The following NKX3-2 variants were observed in gnomAD, a reference collection of about 807,000 sequenced individuals.
NKX3-2 encodes NK3 homeobox 2, also known as homeobox protein Nkx-3.2.
NKX3-2 carries 13 observed loss-of-function variants against 19.4 expected under a neutral mutation model. The ratio of observed to expected loss-of-function variants is 0.67; its 90% CI spans 0.44 to 1.07. The LOEUF (loss-of-function observed/expected upper bound fraction) is 1.07, where lower values mean the gene tolerates loss of function less well. Among genes scored for constraint, NKX3-2 ranks in the 50% least tolerant of loss-of-function variants. The pLI is 0.00. For missense variants in NKX3-2, 562 were observed against 488.2 expected (o/e 1.15, Z -1.42); for synonymous variants, 269 against 230.5 (o/e 1.17, Z -1.51).
chr4:13,544,921 G>T (rs990181845), upstream of NKX3-2: 1 of 152,324 alleles, frequency 6.6e-6, no homozygotes, highest in Middle Eastern at 3.4e-3. Context: ...CCCCGGCGGC[G>T]GCGGCGGTAG....
rs1042773589 is a variant in NKX3-2, at chr4:13,540,958, G to C, written c.*1035C>G. On this transcript the variant is annotated 3_prime_UTR_variant, in exon 2 of 2. Coordinates refer to ENST00000382438, the MANE Select transcript of NKX3-2 (RefSeq NM_001189.4). ...TGCCATTAAGGAGGCGAAAAGCGGC[G>C]AGGTTGACAAGACAGGTGGGATCAC... The C allele has an allele frequency of 5.5e-4, 84 of 152,218 alleles. No individual in the cohort carries two copies. The highest frequency in any genetic ancestry group is 2.0e-3 in the African/African-American group (83 of 41,452). The allele number at this position is 152,218 out of a possible 1,614,324, so 9.4% of individuals were successfully genotyped here. A position where few individuals can be genotyped will look rare whatever the true frequency, so the allele number is the denominator to read the frequency against.
upstream of NKX3-2, chr4:13,546,670 C>G (rs930745277): frequency 2.6e-5 from 9 of 351,178 alleles, no homozygotes; most frequent in Admixed American, 2.3e-4. Context: ...GGAGTGAGAT[C>G]CGAACATAAA....
At position 13,543,794 on chromosome 4, in the gene NKX3-2, T is replaced by C. The variant is rs1253124745; in HGVS notation, c.466+155A>G. ...CTCGCGGGCTCAGTTCCCGAAGTGA[T>C]AGAGCAGCTCGCGCCAGAGCGCAGA... On this transcript the variant is annotated intron_variant, in intron 1 of 1. Transcript: ENST00000382438. This position sits in a 1 kb window ranked among gnomAD's most constrained non-coding sequence, Gnocchi z 7.1. 6.6e-6 allele frequency among the ~76,000 whole-genome samples: 1 copy of C among 152,192 alleles called. No individual in the cohort carries two copies. Among genetic ancestry groups the C allele is most frequent in the Non-Finnish European group, 1.5e-5 (1 of 68,028 alleles).
rs1430305611 is a variant in NKX3-2 at position 13,541,425 on chromosome 4, G to C, written c.*568C>G. On this transcript the variant is annotated 3_prime_UTR_variant, in exon 2 of 2. Transcript: ENST00000382438. Reference sequence around the variant, plus strand: ...ACACACAGGAGGGGTGGAGCAGAGGGCCTGAAAACCCAATCCTTCACGTTT... The same window carrying C: ...ACACACAGGAGGGGTGGAGCAGAGGCCCTGAAAACCCAATCCTTCACGTTT... 2 of 152,294 alleles carry C rather than the reference G, an allele frequency of 1.3e-5. No homozygotes were observed. The highest frequency in any genetic ancestry group is 2.9e-5 in the Non-Finnish European group (2 of 68,124). The allele number at this position is 152,294 out of a possible 1,614,324, so 9.4% of individuals were successfully genotyped here.
At chr4:13,547,379 C>G (rs1039170471), upstream of NKX3-2, 1 of 369,422 alleles carries the variant, frequency 2.7e-6, no homozygotes, top group African/African-American at 2.1e-5. Flanking sequence ...TCCCGACGGG[C>G]GCCACGCTCC....
At chr4:13,546,724 T>G, upstream of NKX3-2, 1 of 354,328 alleles carries the variant, frequency 2.8e-6, no homozygotes, top group Non-Finnish European at 5.6e-6. Context: ...AATACTAGAG[T>G]AGGTTTGGGG....
rs1472333657 is a variant in NKX3-2 at position 13,540,856 on chromosome 4, T to G, written c.*1137A>C. Reference sequence around the variant, plus strand: ...CATGTTAAACTAAAAGTTTATAAATTAAAGAAAAAATACAGCGAATAGAGC... The same window carrying G: ...CATGTTAAACTAAAAGTTTATAAATGAAAGAAAAAATACAGCGAATAGAGC... On this transcript the variant is annotated 3_prime_UTR_variant, in exon 2 of 2. Transcript: ENST00000382438. The G allele has an allele frequency of 6.6e-6, 1 of 152,150 alleles. No individual in the cohort carries two copies. Among genetic ancestry groups the G allele is most frequent in the Admixed American group, 6.5e-5 (1 of 15,272 alleles). 9.4% of individuals were successfully genotyped at this position (152,150 alleles called of 1,614,324 possible).
At chr4:13,546,253 T>C (rs552424712), upstream of NKX3-2, 2 of 152,736 alleles carry the variant, frequency 1.3e-5, no homozygotes, top group East Asian at 3.9e-4. Flanking sequence ...TTTTGCAGCA[T>C]CTATACTTTT....
Position 13,541,003 on chromosome 4 carries a change from G to T in NKX3-2, c.*990C>A, listed in dbSNP as rs1051840410. ...GATCACCTGTTTAAGGGTAAGTGAGGGGCGGATAGGGGAGTCCCGGGCCAG... is the reference window on the plus strand; with the variant it reads ...GATCACCTGTTTAAGGGTAAGTGAGTGGCGGATAGGGGAGTCCCGGGCCAG... On this transcript the variant is annotated 3_prime_UTR_variant, in exon 2 of 2. Coordinates refer to ENST00000382438, the MANE Select transcript of NKX3-2 (RefSeq NM_001189.4). The T allele has an allele frequency of 6.6e-6, 1 of 152,310 alleles. No homozygotes were observed. Among genetic ancestry groups the T allele is most frequent in the African/African-American group, 2.4e-5 (1 of 41,456 alleles). 9.4% of individuals were successfully genotyped at this position (152,310 alleles called of 1,614,324 possible).
Position 13,543,871 on chromosome 4 carries a change from G to C in NKX3-2, c.466+78C>G. 7.6e-7 allele frequency: 1 copy of C among 1,318,330 alleles called. No homozygotes were observed. Among genetic ancestry groups the C allele is most frequent in the Non-Finnish European group, 1.0e-6 (1 of 995,148 alleles). The allele number at this position is 1,318,330 out of a possible 1,614,324, so 81.7% of individuals were successfully genotyped here. A position where few individuals can be genotyped will look rare whatever the true frequency, so the allele number is the denominator to read the frequency against. On this transcript the variant is annotated intron_variant, in intron 1 of 1. Transcript: ENST00000382438. The surrounding 1 kb of genome is among the most constrained non-coding windows in gnomAD (Gnocchi z 7.1). ...CCCCAGGGCGCAGGGTGCTCAAGCC[G>C]ACCACCCCACTCGGCGTGGTTGCCC...
chr4:13,545,222 C>T (rs777197083), upstream of NKX3-2, among the ~76,000 whole-genome samples: 2 of 152,212 alleles, frequency 1.3e-5, no homozygotes, highest in Non-Finnish European at 2.9e-5. Flanking sequence ...TTAACCCCTT[C>T]TCTCCTAAGC....
At chr4:13,547,291 C>A (rs1364165094), upstream of NKX3-2, 1 of 453,036 alleles carries the variant, frequency 2.2e-6, no homozygotes, top group Non-Finnish European at 4.4e-6. Context: ...ACCGCGCGGG[C>A]GTGCCTGGGT....
At chr4:13,547,486 T>A (rs1718162833), upstream of NKX3-2, 1 of 251,566 alleles carries the variant, frequency 4.0e-6, no homozygotes, top group African/African-American at 2.4e-5. Context: ...CGTCCGCGCC[T>A]CTCTACCCCG....
At position 13,542,381 on chromosome 4, in the gene NKX3-2, C is replaced by A. The variant is rs1302984754; in HGVS notation, c.614G>T (p.Arg205Leu). Residue 205 changes from arginine to leucine, a missense_variant, in exon 2 of 2, where the codon CGC (arginine) becomes CTC (leucine). By Grantham distance (102) the Arg-to-Leu change is moderately radical. Transcript: ENST00000382438. The surrounding 1 kb of genome is among the most constrained non-coding windows in gnomAD (Gnocchi z 6.4). ...EEEEPAAPKP[R>L]KKRSRAAFSH... ...GAAAGCGGCCCGCGAGCGCTTCTTG[C>A]GTGGCTTGGGCGCCGCCGGCTCCTC... is the stretch of plus-strand genomic sequence containing the variant. The A allele has an allele frequency of 3.3e-6, 5 of 1,513,328 alleles. No individual in the cohort carries two copies. The highest frequency in any genetic ancestry group is 4.4e-6 in the Non-Finnish European group (5 of 1,136,210). The allele number at this position is 1,513,328 out of a possible 1,614,324, so 93.7% of individuals were successfully genotyped here. A position where few individuals can be genotyped will look rare whatever the true frequency, so the allele number is the denominator to read the frequency against.
rs1346109695 is a variant in NKX3-2 at position 13,541,947 on chromosome 4, C to T, written c.*46G>A. ...CAGCCTACAGCTGTCAGCGCCGGTC[C>T]GGAGCCGGAGCGCGGGAATCACTCG... On this transcript the variant is annotated 3_prime_UTR_variant, in exon 2 of 2. Coordinates refer to ENST00000382438, the MANE Select transcript of NKX3-2 (RefSeq NM_001189.4). The T allele has an allele frequency of 1.3e-6, 2 of 1,551,240 alleles. No individual in the cohort carries two copies. The highest frequency in any genetic ancestry group is 1.4e-5 in the African/African-American group (1 of 73,164).
Position 13,543,272 on chromosome 4 carries a change from G to A in NKX3-2, c.466+677C>T, listed in dbSNP as rs1391217088. Among the ~76,000 whole-genome samples, 1 of 152,104 alleles carries A rather than the reference G, an allele frequency of 6.6e-6. No individual in the cohort carries two copies. The highest frequency in any genetic ancestry group is 1.5e-5 in the Non-Finnish European group (1 of 68,026). On this transcript the variant is annotated intron_variant, in intron 1 of 1. Coordinates refer to ENST00000382438, the MANE Select transcript of NKX3-2 (RefSeq NM_001189.4). The surrounding 1 kb of genome is among the most constrained non-coding windows in gnomAD (Gnocchi z 7.1). ...CCTACAGAAGCTTGTACCCAACTAG[G>A]GCAGGCACCCGGGTCTTCCAGACCA...
chr4:13,542,436 T>G lies in NKX3-2; in HGVS notation c.559A>C (p.Ser187Arg), dbSNP rs1342809466. 1.9e-6 allele frequency: 3 copies of G among 1,558,712 alleles called. No homozygotes were observed. Among genetic ancestry groups the G allele is most frequent in the Admixed American group, 1.8e-5 (1 of 54,100 alleles). The change falls in exon 2 of 2, where the codon AGC becomes CGC. Residue 187 changes from serine (S) to arginine (R), a missense_variant. Ser to Arg is a moderately radical substitution (Grantham distance 110). Coordinates refer to ENST00000382438, the MANE Select transcript of NKX3-2 (RefSeq NM_001189.4). This position sits in a 1 kb window ranked among gnomAD's most constrained non-coding sequence, Gnocchi z 6.4. ...LCSGAGGGGG[S>R]GPAGVAEEEE... The stretch of plus-strand genomic sequence containing the variant: ...TCCTCCGCGACGCCTGCCGGCCCGC[T>G]GCCGCCCCCGCCGCCGGCCCCGCTG...
Position 13,540,868 on chromosome 4 carries a change from A to G in NKX3-2, c.*1125T>C, listed in dbSNP as rs1256819515. Reference sequence around the variant, plus strand: ...AAAGTTTATAAATTAAAGAAAAAATACAGCGAATAGAGCTTCCAAACTTCA... The same window carrying G: ...AAAGTTTATAAATTAAAGAAAAAATGCAGCGAATAGAGCTTCCAAACTTCA... On this transcript the variant is annotated 3_prime_UTR_variant, in exon 2 of 2. Coordinates refer to ENST00000382438, the MANE Select transcript of NKX3-2 (RefSeq NM_001189.4). The G allele has an allele frequency of 6.6e-6, 1 of 152,264 alleles. No individual in the cohort carries two copies. The highest frequency in any genetic ancestry group is 1.5e-5 in the Non-Finnish European group (1 of 68,062). The allele number at this position is 152,264 out of a possible 1,614,324, so 9.4% of individuals were successfully genotyped here.
At position 13,543,023 on chromosome 4, in the gene NKX3-2, A is replaced by G. The variant is rs972730530; in HGVS notation, c.467-495T>C. 2.0e-5 allele frequency among the ~76,000 whole-genome samples: 3 copies of G among 151,946 alleles called. No homozygotes were observed. Among genetic ancestry groups the G allele is most frequent in the African/African-American group, 4.8e-5 (2 of 41,350 alleles). ...AAGGTGGAGGCGGATCCTGGGGCCA[A>G]AGGTATTTAGAATCTTTCACCCTCA... On this transcript the variant is annotated intron_variant, in intron 1 of 1. Transcript: ENST00000382438. This position sits in a 1 kb window ranked among gnomAD's most constrained non-coding sequence, Gnocchi z 7.1.
Sources: gnomAD v4.1 joint callset for allele counts (sites outside exome capture counted in the v4.1 genomes callset) on GRCh38, gnomAD v4.1.1 for gene constraint, Gnocchi (gnomAD v3.1) non-coding constraint, MANE v1.5 for transcripts, NCBI Gene and HGNC (gene_info 2026-07-23, HGNC 2026-07-21) for gene names.